The following MTOR variants were observed in gnomAD, a reference collection of about 807,000 sequenced individuals.
MTOR encodes serine/threonine-protein kinase mTOR.
MTOR carries 70 observed loss-of-function variants against 319.8 expected under a neutral mutation model. The observed-to-expected ratio is 0.22, with a 90% confidence interval of 0.18 to 0.27. The LOEUF (loss-of-function observed/expected upper bound fraction) is 0.27, where lower values mean the gene tolerates loss of function less well. Ranked by LOEUF, MTOR falls within the 10% of genes least tolerant of loss-of-function variation. MTOR has a pLI of 1.00. For missense variants in MTOR, 1,890 were observed against 3,274.4 expected, an observed-to-expected ratio of 0.58 and a Z score of 10.32; for synonymous variants, 1,183 against 1,211.4, an observed-to-expected ratio of 0.98 and a Z score of 0.49.
rs970842607 is a variant in MTOR, at chr1:11,199,515, ATC to A, written c.4107+24_4107+25del. On this transcript the variant is annotated intron_variant, in intron 27 of 57. Coordinates refer to ENST00000361445, the MANE Select transcript of MTOR (RefSeq NM_004958.4). This position sits in a 1 kb window ranked among gnomAD's most constrained non-coding sequence, Gnocchi z 4.5. ...ACCAGCTGGTTCCCTGTCAGCCTCC[ATC>A]TGGACAATGGGGAAAAGTCTCACCT... The A allele has an allele frequency of 6.2e-7, 1 of 1,614,106 alleles. No individual in the cohort carries two copies.
chr1:11,134,968 C>T (rs776732636), intron 36 of MTOR, among the ~76,000 whole-genome samples: 4 of 152,156 alleles, frequency 2.6e-5, no homozygotes, highest in East Asian at 3.8e-4. Context: ...AGTGAAAACC[C>T]GCATGCATTC....
intron 28 of MTOR, among the ~76,000 whole-genome samples, chr1:11,190,153 CCA>C (rs1645472421): frequency 1.3e-5 from 2 of 152,294 alleles, no homozygotes; most frequent in South Asian, 4.1e-4. Flanking sequence ...TCTCTTTTAT[CCA>C]CACAGTGTTT....
chr1:11,189,348 A>G (rs938745880), intron 28 of MTOR: 2 of 505,136 alleles, frequency 4.0e-6, no homozygotes, highest in Admixed American at 3.7e-5. Context: ...TGACTTGTGG[A>G]GCATTCGGGC....
intron 29 of MTOR, among the ~76,000 whole-genome samples, chr1:11,158,242 T>C (rs559490409): frequency 1.3e-5 from 2 of 152,342 alleles, no homozygotes; most frequent in South Asian, 2.1e-4. Context: ...AATATGATTC[T>C]GCAGTGAAAT....
chr1:11,167,931 G>A (rs966673125), intron 28 of MTOR, among the ~76,000 whole-genome samples: 7 of 152,124 alleles, frequency 4.6e-5, no homozygotes, highest in Non-Finnish European at 8.8e-5. Flanking sequence ...TTAGCCGGGC[G>A]TGGTGGCAGG....
chr1:11,225,679 C>T (rs1289952219), intron 19 of MTOR, among the ~76,000 whole-genome samples: 1 of 152,150 alleles, frequency 6.6e-6, no homozygotes, highest in Non-Finnish European at 1.5e-5. Flanking sequence ...GCCTTGGCCT[C>T]CCAAAGTGCT....
intron 18 of MTOR, among the ~76,000 whole-genome samples, 160 bp downstream of exon 18, chr1:11,230,765 G>C (rs915748790): frequency 6.6e-6 from 1 of 152,172 alleles, no homozygotes; most frequent in Non-Finnish European, 1.5e-5. Context: ...CAACCCTTCC[G>C]GGATTCAAGA....
chr1:11,138,141 G>A (rs937097527), intron 36 of MTOR, among the ~76,000 whole-genome samples: 3 of 152,042 alleles, frequency 2.0e-5, no homozygotes, highest in Non-Finnish European at 4.4e-5. Context: ...AGACTTCTTC[G>A]GCCTGCCTTA....
At chr1:11,253,584 T>G (rs1649979736) in intron 6 of MTOR, among the ~76,000 whole-genome samples, 1 of 152,170 alleles carries the variant, frequency 6.6e-6, no homozygotes, top group African/African-American at 2.4e-5. Context: ...TCGTGTCATG[T>G]GGACCCCCGT....
chr1:11,205,872 T>C (rs529018870), intron 25 of MTOR, among the ~76,000 whole-genome samples: 1 of 152,322 alleles, frequency 6.6e-6, no homozygotes, highest in African/African-American at 2.4e-5. Flanking sequence ...TCTCAAACTT[T>C]GGACTAGTGA....
chr1:11,207,577 T>A (rs192910469), intron 25 of MTOR, among the ~76,000 whole-genome samples: 1 of 138,642 alleles, frequency 7.2e-6, no homozygotes, highest in African/African-American at 2.6e-5. Context: ...CTCAGCTAAT[T>A]TTTAAAATTT....
chr1:11,119,954 G>A (rs2100349362), intron 49 of MTOR, among the ~76,000 whole-genome samples: 1 of 151,426 alleles, frequency 6.6e-6, no homozygotes, highest in East Asian at 1.9e-4. Flanking sequence ...TGTAGGCCGG[G>A]CGTGGTGGCT....
rs2100363714 is a variant in MTOR at position 11,122,117 on chromosome 1, T to C, written c.6672A>G (p.Arg2224=). 2 of 1,614,196 alleles carry C rather than the reference T, an allele frequency of 1.2e-6. No individual in the cohort carries two copies. The highest frequency in any genetic ancestry group is 1.7e-6 in the Non-Finnish European group (2 of 1,180,028). Residue 2224 remains arginine, a synonymous_variant, in exon 48 of 58, where the codon AGA becomes AGG. Coordinates refer to ENST00000361445, the MANE Select transcript of MTOR (RefSeq NM_004958.4). ...TSLRKNLSIQ[R]YAVIPLSTNS... ...TGGTCGATAAAGGGATGACAGCGTA[T>C]CTCTGGATGCTGGCGCCCACAGAAA...
chr1:11,190,893 G>A (rs563802966), intron 28 of MTOR, among the ~76,000 whole-genome samples: 1 of 152,186 alleles, frequency 6.6e-6, no homozygotes, highest in African/African-American at 2.4e-5. Context: ...GTTAACCTCA[G>A]CTCAAATTAA....
chr1:11,119,509 T>G (rs1209023305), intron 49 of MTOR, among the ~76,000 whole-genome samples: 1 of 140,832 alleles, frequency 7.1e-6, no homozygotes, highest in Non-Finnish European at 1.5e-5. Flanking sequence ...AGGCGGAGCT[T>G]GCAGTGAGCC....
chr1:11,193,471 G>T, intron 28 of MTOR: 1 of 952,166 alleles, frequency 1.1e-6, no homozygotes, highest in Admixed American at 2.9e-5. Context: ...CTGCGGGAGT[G>T]CACACATCTA....
chr1:11,236,137 C>CTT (rs1224891837), intron 13 of MTOR, among the ~76,000 whole-genome samples: 20 of 138,376 alleles, frequency 1.4e-4, no homozygotes, highest in Middle Eastern at 3.7e-3. Flanking sequence ...TTATTTTTTC[C>CTT]TTTTTTTTTT....
rs146308876 is a variant in MTOR, at chr1:11,130,760, T to C, written c.5382A>G (p.Ala1794=). The C allele has an allele frequency of 1.3e-6, 2 of 1,569,722 alleles. No individual in the cohort carries two copies. The highest frequency in any genetic ancestry group is 1.7e-6 in the Non-Finnish European group (2 of 1,156,584). ...RSWYKAWHAW[A]VMNFEAVLHY... is the part of the protein sequence containing the mutation. Reference sequence around the variant, plus strand: ...GTAGCACAGCTTCGAAGTTCATCACTGCCCACGCATGCCAGGCCTGGTTGG... The same window carrying C: ...GTAGCACAGCTTCGAAGTTCATCACCGCCCACGCATGCCAGGCCTGGTTGG... Residue 1794 remains alanine (A), a synonymous_variant, in exon 39 of 58, where the codon GCA becomes GCG. Transcript: ENST00000361445.
intron 6 of MTOR, among the ~76,000 whole-genome samples, chr1:11,250,513 TCTC>T (rs1649535040): frequency 6.6e-6 from 1 of 152,082 alleles, no homozygotes; most frequent in African/African-American, 2.4e-5. Context: ...CTCTCCTGGC[TCTC>T]CTCCTCCCTC....
Sources: allele counts gnomAD v4.1 joint callset (sites outside exome capture counted in the v4.1 genomes callset), GRCh38; gene constraint gnomAD v4.1.1; non-coding constraint Gnocchi (gnomAD v3.1); transcripts MANE v1.5; gene names NCBI Gene and HGNC (gene_info 2026-07-23, HGNC 2026-07-21).